Variants in CNTNAP5 observed in about 807,000 individuals in gnomAD.
CNTNAP5 encodes contactin-associated protein-like 5.
CNTNAP5 carries 72 observed loss-of-function variants against 150.2 expected under a neutral mutation model. The ratio of observed to expected loss-of-function variants is 0.48; its 90% CI spans 0.40 to 0.58. The LOEUF is 0.58. Ranked by LOEUF, CNTNAP5 falls within the 20% of genes least tolerant of loss-of-function variation. The pLI is 0.00. For synonymous variants in CNTNAP5, 672 were observed against 619.8 expected (o/e 1.08, Z -1.25); for missense variants, 1,636 against 1,626.2 (o/e 1.01, Z -0.10).
intron 1 of CNTNAP5, among the ~76,000 whole-genome samples, chr2:124,163,816 ATCT>A (rs1271217995): frequency 2.0e-5 from 3 of 151,978 alleles, no homozygotes; most frequent in Non-Finnish European, 2.9e-5. Context: ...TGAAGAACAA[ATCT>A]TCTCTTTCTT....
At chr2:124,487,860 C>T (rs890382598) in intron 7 of CNTNAP5, among the ~76,000 whole-genome samples, 3 of 152,042 alleles carry the variant, frequency 2.0e-5, no homozygotes, top group Non-Finnish European at 4.4e-5. Context: ...CAATCCACGA[C>T]ATTTGGGTAA....
chr2:124,648,789 G>A (rs1229547141), intron 13 of CNTNAP5, among the ~76,000 whole-genome samples: 1 of 152,128 alleles, frequency 6.6e-6, no homozygotes, highest in Non-Finnish European at 1.5e-5. Flanking sequence ...TTCATCATTT[G>A]TTTCATGGGA....
At chr2:124,437,533 A>C (rs1692563696) in intron 5 of CNTNAP5, among the ~76,000 whole-genome samples, 1 of 152,154 alleles carries the variant, frequency 6.6e-6, no homozygotes, top group Non-Finnish European at 1.5e-5. Flanking sequence ...TCAGTTTTAG[A>C]AAACCGGAAA....
At chr2:124,786,398 A>AG (rs1553442121) in intron 17 of CNTNAP5, among the ~76,000 whole-genome samples, 4 of 45,224 alleles carry the variant, frequency 8.8e-5, no homozygotes, top group African/African-American at 2.9e-4. Context: ...AAAGAAAGAA[A>AG]GAAGGAAGGA....
intron 1 of CNTNAP5, among the ~76,000 whole-genome samples, chr2:124,165,683 CT>C (rs1684796467): frequency 6.6e-6 from 1 of 152,102 alleles, no homozygotes; most frequent in African/African-American, 2.4e-5. Context: ...TGAAGAATGC[CT>C]GCAATCCTCT....
intron 11 of CNTNAP5, among the ~76,000 whole-genome samples, chr2:124,609,081 A>T (rs1308090835): frequency 1.3e-5 from 2 of 152,222 alleles, no homozygotes; most frequent in Non-Finnish European, 2.9e-5. Flanking sequence ...CTGGGGCACA[A>T]CATCAAATGA....
At chr2:124,511,037 C>A (rs1694576467) in intron 8 of CNTNAP5, among the ~76,000 whole-genome samples, 1 of 152,200 alleles carries the variant, frequency 6.6e-6, no homozygotes, top group Admixed American at 6.5e-5. Flanking sequence ...CATACCCTTT[C>A]ATTGAGCAAT....
chr2:124,534,317 G>T (rs1305296287), intron 10 of CNTNAP5, among the ~76,000 whole-genome samples: 2 of 152,126 alleles, frequency 1.3e-5, no homozygotes, highest in Admixed American at 1.3e-4. Context: ...AGTTTATTAA[G>T]AAAGTAAAGG....
chr2:124,780,119 A>G (rs1163014780), intron 17 of CNTNAP5, among the ~76,000 whole-genome samples: 1 of 152,190 alleles, frequency 6.6e-6, no homozygotes, highest in Non-Finnish European at 1.5e-5. Flanking sequence ...AGCCTCAGTT[A>G]TTCCATCTGC....
In CNTNAP5 at chr2:124,598,008, C is replaced by G. The variant is rs1257463815; in HGVS notation, c.1757-11793C>G. ...TTTCAGCTCCATCAGCTCCTTTAAG[C>G]ACTTCTCTGTATTGGTTATTCTAGT... On this transcript the variant is annotated intron_variant, in intron 11 of 23. Transcript: ENST00000682447. Among the ~76,000 whole-genome samples the G allele has an allele frequency of 7.4e-4, 78 of 105,916 alleles. 1 individual carries two copies. Among genetic ancestry groups the G allele is most frequent in the African/African-American group, 2.6e-3 (77 of 29,278 alleles). 69.5% of individuals were successfully genotyped at this position (105,916 alleles called of 152,430 possible).
Position 124,025,751 on chromosome 2 carries a change from G to T in CNTNAP5, c.82+19G>T, listed in dbSNP as rs1226052199. The T allele has an allele frequency of 2.5e-6, 4 of 1,589,202 alleles. No individual in the cohort carries two copies. The Admixed American group carries it at 5.0e-5, about 20-fold the overall frequency. ...ACAAACTGTGAGTACGAGGAGCTGG[G>T]GGCGGGAAGGTGAGGTGGAAAACGA... On this transcript the variant is annotated intron_variant, in intron 1 of 23. Coordinates refer to ENST00000682447, the MANE Select transcript of CNTNAP5 (RefSeq NM_001367498.1).
chr2:124,588,177 C>CTTCCTTCTTTCT (rs1558966029), intron 11 of CNTNAP5, among the ~76,000 whole-genome samples: 127 of 110,888 alleles, frequency 1.1e-3, no homozygotes, highest in Middle Eastern at 5.0e-3. Context: ...TCCTTCCTTC[C>CTTCCTTCTTTCT]TTCTTTCTTT....
In CNTNAP5 at chr2:124,508,229, A is replaced by G. The variant is rs368527011; in HGVS notation, c.1327+3673A>G. Among the ~76,000 whole-genome samples, 141 of 152,328 alleles carry G rather than the reference A, an allele frequency of 9.3e-4. 1 individual carries two copies. Among genetic ancestry groups the G allele is most frequent in the African/African-American group, 3.3e-3 (139 of 41,584 alleles). ...ATACAGCTAGAAGGGGCCTCTTTCTAGAGAGTCATAAAAGTTAAGAATGAA... is the reference window on the plus strand; with the variant it reads ...ATACAGCTAGAAGGGGCCTCTTTCTGGAGAGTCATAAAAGTTAAGAATGAA... On this transcript the variant is annotated intron_variant, in intron 8 of 23. Transcript: ENST00000682447.
chr2:124,672,993 C>G (rs7568347), intron 13 of CNTNAP5, among the ~76,000 whole-genome samples: 1 of 151,710 alleles, frequency 6.6e-6, no homozygotes, highest in African/African-American at 2.4e-5. Flanking sequence ...AAATAGAAAA[C>G]AGAAAAAATA....
intron 1 of CNTNAP5, among the ~76,000 whole-genome samples, chr2:124,205,152 A>G (rs1054197919): frequency 6.6e-6 from 1 of 152,144 alleles, no homozygotes; most frequent in Non-Finnish European, 1.5e-5. Flanking sequence ...TGTAGTTTCC[A>G]TAATACCCAT....
intron 7 of CNTNAP5, among the ~76,000 whole-genome samples, chr2:124,490,141 C>T (rs1693982768): frequency 6.6e-6 from 1 of 152,052 alleles, no homozygotes; most frequent in South Asian, 2.1e-4. Flanking sequence ...CAAGGACAGC[C>T]TGGCCAACAT....
At chr2:124,598,258 T>C (rs1696877939) in intron 11 of CNTNAP5, among the ~76,000 whole-genome samples, 3 of 123,866 alleles carry the variant, frequency 2.4e-5, no homozygotes, top group Non-Finnish European at 3.4e-5. Context: ...TTCTGTTTTT[T>C]CCCCATCTTT....
Position 124,025,339 on chromosome 2 carries a change from G to GTGGT in CNTNAP5, c.-312_-311insTGGT. ...GGATTTGGCTGTCCACCGAGCTCCG[G>GTGGT]CGCCTGTCGTTCTAATTGGGTTTGG... is the stretch of plus-strand genomic sequence containing the variant. On this transcript the variant is annotated 5_prime_UTR_variant, in exon 1 of 24. Coordinates refer to ENST00000682447, the MANE Select transcript of CNTNAP5 (RefSeq NM_001367498.1). 2 of 331,966 alleles carry GTGGT rather than the reference G, an allele frequency of 6.0e-6. No homozygotes were observed. The highest frequency in any genetic ancestry group is 3.9e-5 in the Admixed American group (1 of 25,558). 20.6% of individuals were successfully genotyped at this position (331,966 alleles called of 1,614,324 possible). A position where few individuals can be genotyped will look rare whatever the true frequency, so the allele number is the denominator to read the frequency against.
chr2:124,553,573 G>A (rs1395031336), intron 10 of CNTNAP5, among the ~76,000 whole-genome samples: 2 of 147,944 alleles, frequency 1.4e-5, no homozygotes, highest in African/African-American at 2.5e-5. Context: ...TCAAAAAAAA[G>A]AATGCAAATA....
Sources: gnomAD v4.1 joint callset for allele counts (sites outside exome capture counted in the v4.1 genomes callset) on GRCh38, gnomAD v4.1.1 for gene constraint, MANE v1.5 for transcripts, NCBI Gene and HGNC (gene_info 2026-07-23, HGNC 2026-07-21) for gene names.